LRRTM4: variants seen among roughly 807,000 people sequenced by gnomAD.
LRRTM4 encodes the protein leucine-rich repeat transmembrane neuronal protein 4.
In LRRTM4, 25 loss-of-function variants were observed where a neutral mutation model predicts 47.6. The observed-to-expected ratio is 0.53, with a 90% CI of 0.38 to 0.73. The LOEUF (loss-of-function observed/expected upper bound fraction) is 0.73, where lower values mean the gene tolerates loss of function less well. Among genes scored for constraint, LRRTM4 ranks in the 30% least tolerant of loss-of-function variants. LRRTM4 has a pLI of 0.00. For synonymous variants in LRRTM4, 311 were observed against 269.5 expected (o/e 1.15, Z -1.51); for missense variants, 638 against 713.4 (o/e 0.89, Z 1.20).
chr2:76,951,794 C>A (rs529550653), intron 3 of LRRTM4, among the ~76,000 whole-genome samples: 5 of 151,946 alleles, frequency 3.3e-5, no homozygotes, highest in African/African-American at 1.2e-4. Context: ...TCCCCTCCCC[C>A]TGACAGGCCC....
intron 3 of LRRTM4, among the ~76,000 whole-genome samples, chr2:77,349,106 C>T (rs1328457249): frequency 6.6e-6 from 1 of 151,020 alleles, no homozygotes; most frequent in Admixed American, 6.6e-5. Context: ...ATAGTGAATG[C>T]AATAAGAAAA....
intron 3 of LRRTM4, among the ~76,000 whole-genome samples, chr2:77,248,905 C>T (rs1325259593): frequency 6.6e-6 from 1 of 151,828 alleles, no homozygotes; most frequent in Non-Finnish European, 1.5e-5. Flanking sequence ...CAAAATGGAT[C>T]ACAAACCCAA....
chr2:77,508,636 T>A (rs1678866173), intron 3 of LRRTM4, among the ~76,000 whole-genome samples: 1 of 152,090 alleles, frequency 6.6e-6, no homozygotes, highest in African/African-American at 2.4e-5. Flanking sequence ...TCATGAGAAA[T>A]ATTCCATTGA....
At chr2:77,026,290 G>A (rs181980753) in intron 3 of LRRTM4, among the ~76,000 whole-genome samples, 1 of 152,114 alleles carries the variant, frequency 6.6e-6, no homozygotes, top group Non-Finnish European at 1.5e-5. Context: ...AACCCCAGAA[G>A]GTAGATATTA....
chr2:77,373,316 A>G (rs930122706), intron 3 of LRRTM4, among the ~76,000 whole-genome samples: 1 of 151,500 alleles, frequency 6.6e-6, no homozygotes, highest in Non-Finnish European at 1.5e-5. Flanking sequence ...TACATCTTAG[A>G]AAACTTAAAT....
chr2:76,969,598 T>C (rs542515431), intron 3 of LRRTM4, among the ~76,000 whole-genome samples: 2 of 151,990 alleles, frequency 1.3e-5, no homozygotes, highest in African/African-American at 2.4e-5. Context: ...GAACCAAGCT[T>C]TGCACTTTCC....
At chr2:76,805,913 A>G (rs1196355274) in intron 3 of LRRTM4, among the ~76,000 whole-genome samples, 1 of 152,040 alleles carries the variant, frequency 6.6e-6, no homozygotes, top group Non-Finnish European at 1.5e-5. Context: ...AGCTCTAATA[A>G]ATCTTTCTCT....
At position 77,343,784 on chromosome 2, in the gene LRRTM4, A is replaced by C. The variant is rs182523497; in HGVS notation, c.1551+174534T>G. ...AGACAAAACCTTTGTAGTTTGTGCTATAAGGTAAATAGATAAGAGATTGTG... is the reference window on the plus strand; with the variant it reads ...AGACAAAACCTTTGTAGTTTGTGCTCTAAGGTAAATAGATAAGAGATTGTG... On this transcript the variant is annotated intron_variant, in intron 3 of 3. Transcript: ENST00000409884. Among the ~76,000 whole-genome samples the C allele has an allele frequency of 6.2e-3, 938 of 152,022 alleles. 6 individuals carry two copies. The highest frequency in any genetic ancestry group is 0.02 in the Middle Eastern group (6 of 294).
chr2:76,779,524 A>T (rs13429254), intron 3 of LRRTM4, among the ~76,000 whole-genome samples: 98,343 of 136,544 alleles, frequency 0.72, 37,069 homozygotes, highest in African/African-American at 0.93. Flanking sequence ...AATGGCCTTC[A>T]CTGTCTCTTT....
intron 3 of LRRTM4, among the ~76,000 whole-genome samples, chr2:77,459,104 T>A (rs894534874): frequency 1.3e-5 from 2 of 152,100 alleles, no homozygotes; most frequent in East Asian, 3.9e-4. Context: ...GACATTCATT[T>A]TTGTCCAAAA....
At chr2:76,974,159 T>TATATACATAC (rs1676319579) in intron 3 of LRRTM4, among the ~76,000 whole-genome samples, 4 of 132,780 alleles carry the variant, frequency 3.0e-5, no homozygotes, top group African/African-American at 8.5e-5. Context: ...TACATACATA[T>TATATACATAC]ATATATATAC....
At position 77,474,115 on chromosome 2, in the gene LRRTM4, T is replaced by G. The variant is rs187078999; in HGVS notation, c.1551+44203A>C. On this transcript the variant is annotated intron_variant, in intron 3 of 3. Coordinates refer to ENST00000409884, the MANE Select transcript of LRRTM4 (RefSeq NM_001134745.3). ...AATTCAATCATGAGATTCAAAAAATTTATGTGCTTTTCTTCTATTTTCGGA... is the reference window on the plus strand; with the variant it reads ...AATTCAATCATGAGATTCAAAAAATGTATGTGCTTTTCTTCTATTTTCGGA... Among the ~76,000 whole-genome samples the G allele has an allele frequency of 3.9e-5, 6 of 152,166 alleles. No individual in the cohort carries two copies. The East Asian group carries it at 1.2e-3, about 29-fold the overall frequency.
In LRRTM4 at chr2:76,773,363, C is replaced by G. The variant is rs1020514968; in HGVS notation, c.1552-24447G>C. ...CAGCAAAGTTCTGTTTAATTTTTCT[C>G]TCTTATTGCAGTAGTCTTAAATAAA... On this transcript the variant is annotated intron_variant, in intron 3 of 3. Transcript: ENST00000409884. 2.1e-4 allele frequency among the ~76,000 whole-genome samples: 32 copies of G among 152,180 alleles called. 1 individual carries two copies. The highest frequency in any genetic ancestry group is 3.7e-4 in the Non-Finnish European group (25 of 68,030).
Position 76,807,447 on chromosome 2 carries a change from T to TATATATATACACAC in LRRTM4, c.1552-58532_1552-58531insGTGTGTATATATAT, listed in dbSNP as rs1384446349. ...ATACATATATATATACGTATATACA[T>TATATATATACACAC]ATATATATATACATATATATATACA... is the stretch of plus-strand genomic sequence containing the variant. On this transcript the variant is annotated intron_variant, in intron 3 of 3. Coordinates refer to ENST00000409884, the MANE Select transcript of LRRTM4 (RefSeq NM_001134745.3). 5.5e-5 allele frequency among the ~76,000 whole-genome samples: 5 copies of TATATATATACACAC among 90,750 alleles called. No homozygotes were observed. In the South Asian group the frequency reaches 1.2e-3, roughly 22 times the overall value. The allele number at this position is 90,750 out of a possible 152,430, so 59.5% of individuals were successfully genotyped here. A position where few individuals can be genotyped will look rare whatever the true frequency, so the allele number is the denominator to read the frequency against.
chr2:77,490,793 C>T (rs1370313081), intron 3 of LRRTM4, among the ~76,000 whole-genome samples: 1 of 152,062 alleles, frequency 6.6e-6, no homozygotes, highest in Non-Finnish European at 1.5e-5. Flanking sequence ...TAGTCCTGTT[C>T]CCTGTGCTTT....
chr2:77,440,152 C>T lies in LRRTM4; in HGVS notation c.1551+78166G>A, dbSNP rs1445468659. ...GTGTGAGGCCGGGCGCGGTGGCTCA[C>T]GCCTGTAATCCGAGCACTTTGGGAG... On this transcript the variant is annotated intron_variant, in intron 3 of 3. Transcript: ENST00000409884. Among the ~76,000 whole-genome samples the T allele has an allele frequency of 3.3e-5, 5 of 152,278 alleles. No individual in the cohort carries two copies. The South Asian group carries it at 6.2e-4, about 19-fold the overall frequency.
intron 3 of LRRTM4, among the ~76,000 whole-genome samples, chr2:76,859,953 C>T (rs1197698662): frequency 1.3e-5 from 2 of 151,906 alleles, no homozygotes; most frequent in Non-Finnish European, 2.9e-5. Flanking sequence ...GAATTATAGC[C>T]CCTAGAATGC....
chr2:77,359,771 T>G (rs967092658), intron 3 of LRRTM4, among the ~76,000 whole-genome samples: 1 of 152,184 alleles, frequency 6.6e-6, no homozygotes, highest in African/African-American at 2.4e-5. Flanking sequence ...ACAGTCATAC[T>G]TCTCTCAGAT....
At position 76,785,998 on chromosome 2, in the gene LRRTM4, A is replaced by G. The variant is rs561851203; in HGVS notation, c.1552-37082T>C. Among the ~76,000 whole-genome samples, 106 of 152,246 alleles carry G rather than the reference A, an allele frequency of 7.0e-4. No individual in the cohort carries two copies. The Middle Eastern group carries it at 0.01, about 15-fold the overall frequency. On this transcript the variant is annotated intron_variant, in intron 3 of 3. Coordinates refer to ENST00000409884, the MANE Select transcript of LRRTM4 (RefSeq NM_001134745.3). ...TTCTGAACAATATGCAATTTAACTC[A>G]ATGATACCTAGCTGCTCCTATCTTT... is the stretch of plus-strand genomic sequence containing the variant.
Sources: allele counts gnomAD v4.1 joint callset (sites outside exome capture counted in the v4.1 genomes callset), GRCh38; gene constraint gnomAD v4.1.1; transcripts MANE v1.5; gene names NCBI Gene and HGNC (gene_info 2026-07-23, HGNC 2026-07-21).